Variants in PSMA4 observed in about 807,000 individuals in gnomAD.
PSMA4 encodes proteasome 20S subunit alpha 4.
In PSMA4, 8 loss-of-function variants were observed where a neutral mutation model predicts 37.2. The observed-to-expected ratio is 0.22, with a 90% CI of 0.13 to 0.39. The LOEUF (loss-of-function observed/expected upper bound fraction) is 0.39, where lower values mean the gene tolerates loss of function less well. Among genes scored for constraint, PSMA4 ranks in the 10% least tolerant of loss-of-function variants. The pLI is 1.00. For synonymous variants in PSMA4, 93 were observed against 98.8 expected, an observed-to-expected ratio of 0.94 and a Z score of 0.35; for missense variants, 169 against 305.1, an observed-to-expected ratio of 0.55 and a Z score of 3.32.
chr15:78,541,574 C>A, intron 1 of PSMA4: 2 of 328,808 alleles, frequency 6.1e-6, no homozygotes, highest in South Asian at 5.2e-5. Context: ...GGTTCTCAGC[C>A]TTATTTCTGC....
At position 78,544,850 on chromosome 15, in the gene PSMA4, GC is replaced by G. The variant is rs2052523489; in HGVS notation, c.288-16del. Reference sequence around the variant, plus strand: ...GTGTTTTAGAGAAAACTACTAATGTGCCCATCTCTTTATCCTAGGTATTTAT... The same window carrying G: ...GTGTTTTAGAGAAAACTACTAATGTGCCATCTCTTTATCCTAGGTATTTAT... On this transcript the variant is annotated intron_variant, in intron 5 of 8. Transcript: ENST00000044462. 9 of 1,520,180 alleles carry G rather than the reference GC, an allele frequency of 5.9e-6. No individual in the cohort carries two copies. The highest frequency in any genetic ancestry group is 8.2e-6 in the Non-Finnish European group (9 of 1,098,894). The allele number at this position is 1,520,180 out of a possible 1,614,324, so 94.2% of individuals were successfully genotyped here.
At position 78,543,680 on chromosome 15, in the gene PSMA4, C is replaced by A. The variant is rs192487920; in HGVS notation, c.210-510C>A. 5.3e-3 allele frequency: 813 copies of A among 152,254 alleles called. 5 individuals are homozygous for A. Among genetic ancestry groups the A allele is most frequent in the South Asian group, 0.01 (49 of 4,840 alleles). 9.4% of individuals were successfully genotyped at this position (152,254 alleles called of 1,614,324 possible). A position where few individuals can be genotyped will look rare whatever the true frequency, so the allele number is the denominator to read the frequency against. On this transcript the variant is annotated intron_variant, in intron 4 of 8. Coordinates refer to ENST00000044462, the MANE Select transcript of PSMA4 (RefSeq NM_002789.6). ...GCCTCCTGGGCTCAAGTGATCCTCC[C>A]ACCTCAGCCGCCCAAGTAGCTGGGA...
At chr15:78,543,915 T>C in intron 4 of PSMA4, 1 of 304,934 alleles carries the variant, frequency 3.3e-6, no homozygotes, top group Middle Eastern at 1.0e-3. Context: ...TTACATTAGC[T>C]TCTTGGCGTT....
chr15:78,545,071 A>G, intron 6 of PSMA4, 114 bp downstream of exon 6: 1 of 623,002 alleles, frequency 1.6e-6, no homozygotes, highest in Non-Finnish European at 2.7e-6. Flanking sequence ...ATTAAATTTA[A>G]TTTTTTTAAT....
intron 1 of PSMA4, 171 bp from the exon 2 acceptor site, chr15:78,541,734 T>G: frequency 1.6e-6 from 1 of 613,114 alleles, no homozygotes; most frequent in Non-Finnish European, 2.9e-6. Context: ...ACTGCCAGTA[T>G]TAGCTTTTCA....
At position 78,551,545 on chromosome 15, in the gene PSMA4, C is replaced by T. The variant is rs560222684; in HGVS notation, c.*2601C>T. 5 of 152,062 alleles carry T rather than the reference C, an allele frequency of 3.3e-5. No homozygotes were observed. The highest frequency in any genetic ancestry group is 9.6e-5 in the African/African-American group (4 of 41,468). 9.4% of individuals were successfully genotyped at this position (152,062 alleles called of 1,614,324 possible). On this transcript the variant is annotated 3_prime_UTR_variant, in exon 9 of 9. Coordinates refer to ENST00000044462, the MANE Select transcript of PSMA4 (RefSeq NM_002789.6). Reference sequence around the variant, plus strand: ...ACACTCACATTTTCTATTCCCTATACATACCCTGTTGAGTTTTTCTCCATA... The same window carrying T: ...ACACTCACATTTTCTATTCCCTATATATACCCTGTTGAGTTTTTCTCCATA...
rs1246211154 is a variant in PSMA4 at position 78,548,999 on chromosome 15, A to C, written c.*55A>C. ...ACCATTTCAGTGTAAAAGCAGTCCT[A>C]CTCTTCCACACTAGGAAGGCTTTAC... On this transcript the variant is annotated 3_prime_UTR_variant, in exon 9 of 9. Transcript: ENST00000044462. The C allele has an allele frequency of 6.5e-7, 1 of 1,538,060 alleles. No individual in the cohort carries two copies. The highest frequency in any genetic ancestry group is 1.4e-5 in the African/African-American group (1 of 71,694).
chr15:78,548,972 G>T lies in PSMA4; in HGVS notation c.*28G>T, dbSNP rs1431370441. On this transcript the variant is annotated 3_prime_UTR_variant, in exon 9 of 9. Transcript: ENST00000044462. Reference sequence around the variant, plus strand: ...TCAGAGATTTTATTACTCATTTGGGGCACCATTTCAGTGTAAAAGCAGTCC... The same window carrying T: ...TCAGAGATTTTATTACTCATTTGGGTCACCATTTCAGTGTAAAAGCAGTCC... 1 of 1,589,452 alleles carries T rather than the reference G, an allele frequency of 6.3e-7. No homozygotes were observed. The highest frequency in any genetic ancestry group is 1.2e-5 in the South Asian group (1 of 85,846).
rs553499041 is a variant in PSMA4, at chr15:78,548,510, TAGC to T, written c.632-277_632-275del. On this transcript the variant is annotated intron_variant, in intron 8 of 8. Transcript: ENST00000044462. ...AGTTCCGTCTAATCAGCACAGCTAA[TAGC>T]AGGCCGGCAATAGCAATTGGTTGAT... Among the ~76,000 whole-genome samples, 244 of 152,322 alleles carry T rather than the reference TAGC, an allele frequency of 1.6e-3. 1 individual carries two copies. The highest frequency in any genetic ancestry group is 2.9e-3 in the South Asian group (14 of 4,826).
In PSMA4 at chr15:78,550,465, C is replaced by T. The variant is rs1157696162; in HGVS notation, c.*1521C>T. 6.7e-6 allele frequency: 1 copy of T among 149,022 alleles called. No homozygotes were observed. Among genetic ancestry groups the T allele is most frequent in the Admixed American group, 6.9e-5 (1 of 14,564 alleles). The allele number at this position is 149,022 out of a possible 1,614,324, so 9.2% of individuals were successfully genotyped here. ...CCCAAAGTGTTGACATCACAGCCCTCTTATGCTTAGGAACAACACTAAACA... is the reference window on the plus strand; with the variant it reads ...CCCAAAGTGTTGACATCACAGCCCTTTTATGCTTAGGAACAACACTAAACA... On this transcript the variant is annotated 3_prime_UTR_variant, in exon 9 of 9. Transcript: ENST00000044462.
chr15:78,540,695 G>T (rs988124759), intron 1 of PSMA4, 156 bp downstream of exon 1: 14 of 152,218 alleles, frequency 9.2e-5, no homozygotes, highest in African/African-American at 3.1e-4. Context: ...CGGACCGACC[G>T]CCGGGAATGG....
chr15:78,541,880 T>C, intron 1 of PSMA4, 25 bp from the exon 2 acceptor site: 1 of 1,521,976 alleles, frequency 6.6e-7, no homozygotes, highest in Non-Finnish European at 9.1e-7. Context: ...CTTATTTTAA[T>C]GATGATCTGA....
chr15:78,545,044 T>C, intron 6 of PSMA4, 87 bp downstream of exon 6: 2 of 806,156 alleles, frequency 2.5e-6, no homozygotes, highest in Non-Finnish European at 3.8e-6. Flanking sequence ...AAATTGAAAA[T>C]AGACCCTTTG....
At chr15:78,544,817 G>A (rs772595399) in intron 5 of PSMA4, 52 bp from the exon 6 acceptor site, 2 of 1,250,606 alleles carry the variant, frequency 1.6e-6, no homozygotes, top group Admixed American at 1.9e-5. Context: ...TTTCCTTAGA[G>A]TCTGTCTGTG....
chr15:78,543,623 C>T lies in PSMA4; in HGVS notation c.210-567C>T, dbSNP rs528385855. ...TTGCTCTGTCACCCAGGCTGGAGTA[C>T]GGTGACGCCATCTTGGCTCACTGCA... On this transcript the variant is annotated intron_variant, in intron 4 of 8. Transcript: ENST00000044462. Among the ~76,000 whole-genome samples, 79 of 139,290 alleles carry T rather than the reference C, an allele frequency of 5.7e-4. 1 individual carries two copies. The highest frequency in any genetic ancestry group is 2.0e-3 in the African/African-American group (76 of 37,192). The allele number at this position is 139,290 out of a possible 152,430, so 91.4% of individuals were successfully genotyped here. A position where few individuals can be genotyped will look rare whatever the true frequency, so the allele number is the denominator to read the frequency against.
rs1319231260 is a variant in PSMA4 at position 78,544,760 on chromosome 15, T to C, written c.288-109T>C. 1.5e-5 allele frequency: 9 copies of C among 617,158 alleles called. No individual in the cohort carries two copies. In the Admixed American group the frequency reaches 2.4e-4, roughly 17 times the overall value. The allele number at this position is 617,158 out of a possible 1,614,324, so 38.2% of individuals were successfully genotyped here. On this transcript the variant is annotated intron_variant, in intron 5 of 8. Transcript: ENST00000044462. Reference sequence around the variant, plus strand: ...TGTTCCCTCCCCTTCAAATTACAAATGACTGTTAGGTTGTCCCCATGGCAT... The same window carrying C: ...TGTTCCCTCCCCTTCAAATTACAAACGACTGTTAGGTTGTCCCCATGGCAT...
In PSMA4 at chr15:78,550,047, A is replaced by G. The variant is rs1596048013; in HGVS notation, c.*1103A>G. 6.6e-6 allele frequency: 1 copy of G among 152,220 alleles called. No homozygotes were observed. The highest frequency in any genetic ancestry group is 2.1e-4 in the South Asian group (1 of 4,836). 9.4% of individuals were successfully genotyped at this position (152,220 alleles called of 1,614,324 possible). The stretch of plus-strand genomic sequence containing the variant: ...TAAAGTATTTACAAGCCCTATTTGC[A>G]GCACTTTTTTGAACTTCTAAATTAT... On this transcript the variant is annotated 3_prime_UTR_variant, in exon 9 of 9. Transcript: ENST00000044462.
intron 1 of PSMA4, chr15:78,541,572 G>T (rs755083595): frequency 1.2e-5 from 4 of 327,068 alleles, no homozygotes; most frequent in Non-Finnish European, 2.3e-5. Flanking sequence ...AGGGTTCTCA[G>T]CCTTATTTCT....
rs2052460625 is a variant in PSMA4, at chr15:78,541,944, C to T, written c.3+14C>T. 6.3e-7 allele frequency: 1 copy of T among 1,594,684 alleles called. No individual in the cohort carries two copies. The highest frequency in any genetic ancestry group is 8.6e-7 in the Non-Finnish European group (1 of 1,168,648). On this transcript the variant is annotated intron_variant, in intron 2 of 8. Coordinates refer to ENST00000044462, the MANE Select transcript of PSMA4 (RefSeq NM_002789.6). Reference sequence around the variant, plus strand: ...TCAGAAAACATGGTGAGTTAATACACATGCCAATAAACGGTTGCCTGATAA... The same window carrying T: ...TCAGAAAACATGGTGAGTTAATACATATGCCAATAAACGGTTGCCTGATAA...
Sources: gnomAD v4.1 joint callset for allele counts (sites outside exome capture counted in the v4.1 genomes callset) on GRCh38, gnomAD v4.1.1 for gene constraint, MANE v1.5 for transcripts, NCBI Gene and HGNC (gene_info 2026-07-23, HGNC 2026-07-21) for gene names.